Variants in CDK6 observed in about 807,000 individuals in gnomAD.
The protein encoded by CDK6 is cyclin-dependent kinase 6.
Under a neutral mutation model 37.1 loss-of-function variants are expected in CDK6, and 6 were observed. The ratio of observed to expected loss-of-function variants is 0.16; its 90% CI spans 0.09 to 0.32. The LOEUF is 0.32. Among genes scored for constraint, CDK6 ranks in the 10% least tolerant of loss-of-function variants. The pLI is 1.00. For missense variants in CDK6, 224 were observed against 418.9 expected (o/e 0.53, Z 4.06); for synonymous variants, 160 against 161.3 (o/e 0.99, Z 0.06).
chr7:92,770,767 A>G (rs1325964743), intron 3 of CDK6, among the ~76,000 whole-genome samples: 2 of 152,122 alleles, frequency 1.3e-5, no homozygotes, highest in Admixed American at 6.5e-5. Context: ...AACTAATGCA[A>G]TTTATGTCCT....
intron 4 of CDK6, among the ~76,000 whole-genome samples, chr7:92,672,178 CACACAGACACAT>C (rs1562931138): frequency 1.6e-4 from 17 of 103,748 alleles, no homozygotes; most frequent in African/African-American, 4.6e-4. Flanking sequence ...CACACACACA[CACACAGACACAT>C]ACACACACAC....
chr7:92,691,769 T>A (rs1644622857), intron 4 of CDK6, among the ~76,000 whole-genome samples: 1 of 152,180 alleles, frequency 6.6e-6, no homozygotes, highest in Non-Finnish European at 1.5e-5. Flanking sequence ...AATGTAAGAC[T>A]TCAGATGTAA....
At chr7:92,647,644 T>C (rs537580251) in intron 5 of CDK6, among the ~76,000 whole-genome samples, 37 of 152,358 alleles carry the variant, frequency 2.4e-4, no homozygotes, top group Non-Finnish European at 2.8e-4. Context: ...GCCTCTGGGA[T>C]ATCCAAGTAA....
chr7:92,762,570 C>CTT (rs34827459), intron 3 of CDK6, among the ~76,000 whole-genome samples: 9 of 141,574 alleles, frequency 6.4e-5, no homozygotes, highest in Admixed American at 7.1e-5. Flanking sequence ...CATAGAACAC[C>CTT]TTTTTTTTTT....
intron 5 of CDK6, 113 bp from the exon 6 acceptor site, chr7:92,623,199 G>A (rs182315857): frequency 5.6e-6 from 4 of 719,174 alleles, no homozygotes; most frequent in Non-Finnish European, 7.0e-6. Context: ...GGGTTGGGAA[G>A]AAGTAAAAAA....
rs1255973190 is a variant in CDK6, at chr7:92,610,434, T to G, written c.*4706A>C. 1 of 231,176 alleles carries G rather than the reference T, an allele frequency of 4.3e-6. No individual in the cohort carries two copies. The highest frequency in any genetic ancestry group is 8.6e-6 in the Non-Finnish European group (1 of 116,890). 14.3% of individuals were successfully genotyped at this position (231,176 alleles called of 1,614,324 possible). The stretch of plus-strand genomic sequence containing the variant: ...AATAAAAATCCCCAGAAAGGCTACT[T>G]GAGAAAAAAACGTGTAAAAATTGGA... On this transcript the variant is annotated 3_prime_UTR_variant, in exon 8 of 8. Transcript: ENST00000424848.
intron 5 of CDK6, among the ~76,000 whole-genome samples, chr7:92,658,626 C>A (rs756937667): frequency 1.3e-5 from 2 of 151,712 alleles, no homozygotes; most frequent in African/African-American, 2.4e-5. Flanking sequence ...CAAGGAAGAT[C>A]TGGAAGTATA....
At chr7:92,718,297 T>G (rs566591024) in intron 4 of CDK6, among the ~76,000 whole-genome samples, 2 of 152,234 alleles carry the variant, frequency 1.3e-5, no homozygotes, top group East Asian at 3.9e-4. Flanking sequence ...TTCGCTGAGG[T>G]GCCGAGGCGA....
At chr7:92,832,165 A>G (rs1027108016) in intron 2 of CDK6, among the ~76,000 whole-genome samples, 2 of 152,250 alleles carry the variant, frequency 1.3e-5, no homozygotes, top group Non-Finnish European at 1.5e-5. Flanking sequence ...AAAAAAGAAA[A>G]GGATGACACA....
chr7:92,716,043 G>A (rs17690388), intron 4 of CDK6, among the ~76,000 whole-genome samples: 4,646 of 152,288 alleles, frequency 0.031, 99 homozygotes, highest in Non-Finnish European at 0.054. Flanking sequence ...AAGTGTAAAT[G>A]TTACTCCCTC....
intron 1 of CDK6, among the ~76,000 whole-genome samples, chr7:92,836,199 A>G (rs1801667419): frequency 6.6e-6 from 1 of 151,684 alleles, no homozygotes; most frequent in Non-Finnish European, 1.5e-5. Flanking sequence ...ACGTGGAAGC[A>G]GGATCTCGGT....
rs1035318342 is a variant in CDK6, at chr7:92,833,727, A to T, written c.-367-37T>A. The stretch of plus-strand genomic sequence containing the variant: ...GACGGGAGGATAAGAAGAAAGTGCA[A>T]TCAGACAGCCCAGAAGCCTTCCTCG... On this transcript the variant is annotated intron_variant, in intron 1 of 7. Coordinates refer to ENST00000424848, the MANE Select transcript of CDK6 (RefSeq NM_001145306.2). The surrounding 1 kb of genome is among the most constrained non-coding windows in gnomAD (Gnocchi z 6.1). 1 of 430,766 alleles carries T rather than the reference A, an allele frequency of 2.3e-6. No homozygotes were observed. The highest frequency in any genetic ancestry group is 4.0e-6 in the Non-Finnish European group (1 of 247,690). 26.7% of individuals were successfully genotyped at this position (430,766 alleles called of 1,614,324 possible). A position where few individuals can be genotyped will look rare whatever the true frequency, so the allele number is the denominator to read the frequency against.
chr7:92,812,631 GC>G (rs774299240), intron 2 of CDK6, among the ~76,000 whole-genome samples: 30 of 151,952 alleles, frequency 2.0e-4, no homozygotes, highest in Non-Finnish European at 4.3e-4. Flanking sequence ...TCACTACGTT[GC>G]CCAGGCTGGT....
intron 5 of CDK6, among the ~76,000 whole-genome samples, chr7:92,635,831 G>A (rs1344677815): frequency 6.6e-6 from 1 of 152,134 alleles, no homozygotes; most frequent in Non-Finnish European, 1.5e-5. Context: ...AGATGATGAA[G>A]TTAGGAAAAT....
At chr7:92,710,902 T>C in intron 4 of CDK6, 7 of 971,414 alleles carry the variant, frequency 7.2e-6, no homozygotes, top group Non-Finnish European at 8.6e-6. Flanking sequence ...AGGGCTGAAG[T>C]CAGAACATGC....
chr7:92,806,386 G>A (rs532647505), intron 2 of CDK6, among the ~76,000 whole-genome samples: 1 of 152,112 alleles, frequency 6.6e-6, no homozygotes, highest in Admixed American at 6.6e-5. Flanking sequence ...CTTTTGTTTT[G>A]TCAGTGATTC....
chr7:92,687,618 C>T (rs541830045), intron 4 of CDK6, among the ~76,000 whole-genome samples: 15 of 152,240 alleles, frequency 9.9e-5, no homozygotes, highest in Admixed American at 7.9e-4. Context: ...TAATTTTGGC[C>T]TCTGTTGGCA....
intron 4 of CDK6, among the ~76,000 whole-genome samples, chr7:92,702,110 T>C (rs1797861703): frequency 6.6e-6 from 1 of 151,988 alleles, no homozygotes; most frequent in African/African-American, 2.4e-5. Context: ...TCAAATAGAA[T>C]ATTGATAAAA....
intron 4 of CDK6, among the ~76,000 whole-genome samples, chr7:92,721,335 G>A (rs951907658): frequency 3.3e-5 from 5 of 152,262 alleles, no homozygotes; most frequent in African/African-American, 1.2e-4. Context: ...GCGGTATGGG[G>A]CAGGGGTGGA....
Sources: gnomAD v4.1 joint callset for allele counts (sites outside exome capture counted in the v4.1 genomes callset) on GRCh38, gnomAD v4.1.1 for gene constraint, Gnocchi (gnomAD v3.1) non-coding constraint, MANE v1.5 for transcripts, NCBI Gene and HGNC (gene_info 2026-07-23, HGNC 2026-07-21) for gene names.